Variants in CCDC90B observed in about 807,000 individuals in gnomAD.
CCDC90B encodes the protein coiled-coil domain containing 90B, also known as coiled-coil domain-containing protein 90B, mitochondrial.
CCDC90B carries 24 observed loss-of-function variants against 37.0 expected under a neutral mutation model. That is an observed-to-expected ratio of 0.65 (90% CI 0.47 to 0.91). The LOEUF is 0.91. Ranked by LOEUF, CCDC90B falls within the 40% of genes least tolerant of loss-of-function variation. The pLI is 0.00. For missense variants in CCDC90B, 319 were observed against 299.0 expected, an observed-to-expected ratio of 1.07 and a Z score of -0.49; for synonymous variants, 113 against 101.1, an observed-to-expected ratio of 1.12 and a Z score of -0.71.
chr11:83,268,135 A>G (rs1864407846), intron 7 of CCDC90B, among the ~76,000 whole-genome samples: 1 of 152,238 alleles, frequency 6.6e-6, no homozygotes, highest in Admixed American at 6.5e-5. Context: ...AACCAGTACC[A>G]ACCACTGCAA....
rs1865691539 is a variant in CCDC90B at position 83,286,298 on chromosome 11, C to T, written c.-326G>A. ...TGTTTCCTGGCAGTGGGGCATAGTCCAACAGCTGGCTCCCCCAAGATAGCC... is the reference window on the plus strand; with the variant it reads ...TGTTTCCTGGCAGTGGGGCATAGTCTAACAGCTGGCTCCCCCAAGATAGCC... On this transcript the variant is annotated 5_prime_UTR_variant, in exon 1 of 9. The change creates a premature stop within an existing upstream ORF in the 5' untranslated region. Transcript: ENST00000529689. 9.6e-7 allele frequency: 1 copy of T among 1,042,872 alleles called. No homozygotes were observed. Among genetic ancestry groups the T allele is most frequent in the Non-Finnish European group, 1.4e-6 (1 of 729,690 alleles). The allele number at this position is 1,042,872 out of a possible 1,614,324, so 64.6% of individuals were successfully genotyped here.
intron 7 of CCDC90B, chr11:83,267,554 A>G (rs1285069495): frequency 1.3e-5 from 2 of 149,222 alleles, no homozygotes; most frequent in African/African-American, 2.6e-5. Flanking sequence ...GCGAGAAGAC[A>G]AGGTTAGAGA....
chr11:83,274,384 A>G (rs1864893456), intron 4 of CCDC90B: 1 of 276,188 alleles, frequency 3.6e-6, no homozygotes, highest in Non-Finnish European at 6.6e-6. Flanking sequence ...TTTTATATAT[A>G]TAGCTCAAAG....
At chr11:83,265,793 G>T in intron 8 of CCDC90B, 72 bp downstream of exon 8, 6 of 923,132 alleles carry the variant, frequency 6.5e-6, no homozygotes, top group African/African-American at 4.9e-5. Flanking sequence ...TCCTGTGCCT[G>T]CTCAGTTACC....
At chr11:83,285,478 C>G in intron 1 of CCDC90B, 1 of 1,115,298 alleles carries the variant, frequency 9.0e-7, no homozygotes, top group Non-Finnish European at 1.1e-6. Context: ...GGGCTCGAGG[C>G]CAGCACCTAA....
chr11:83,264,603 C>G (rs1029761313), intron 8 of CCDC90B, among the ~76,000 whole-genome samples: 1 of 152,132 alleles, frequency 6.6e-6, no homozygotes, highest in African/African-American at 2.4e-5. Flanking sequence ...GTAACCCGAC[C>G]TTTTTCTCTG....
intron 7 of CCDC90B, 104 bp downstream of exon 7, chr11:83,273,543 A>G (rs1864820101): frequency 1.2e-6 from 1 of 838,070 alleles, no homozygotes; most frequent in East Asian, 2.7e-5. Flanking sequence ...GAGACTCTAC[A>G]AGGGTAGTTT....
At chr11:83,280,542 G>A (rs1425911608) in intron 1 of CCDC90B, among the ~76,000 whole-genome samples, 1 of 152,148 alleles carries the variant, frequency 6.6e-6, no homozygotes, top group Non-Finnish European at 1.5e-5. Context: ...CACATCAAAT[G>A]CTTTGGTTAT....
At chr11:83,277,304 A>T (rs1169648699) in intron 3 of CCDC90B, among the ~76,000 whole-genome samples, 1 of 152,152 alleles carries the variant, frequency 6.6e-6, no homozygotes, top group Admixed American at 6.5e-5. Flanking sequence ...GACAGCTCGG[A>T]GCTTAGGAGT....
intron 2 of CCDC90B, among the ~76,000 whole-genome samples, chr11:83,279,150 G>C (rs564997924): frequency 6.6e-6 from 1 of 151,950 alleles, no homozygotes; most frequent in African/African-American, 2.4e-5. Flanking sequence ...GCGTGGTGGC[G>C]GGCGCCCGTA....
Position 83,286,303 on chromosome 11 carries a change from G to A in CCDC90B, c.-331C>T. 1 of 1,023,650 alleles carries A rather than the reference G, an allele frequency of 9.8e-7. No homozygotes were observed. The highest frequency in any genetic ancestry group is 1.4e-6 in the Non-Finnish European group (1 of 713,856). The allele number at this position is 1,023,650 out of a possible 1,614,324, so 63.4% of individuals were successfully genotyped here. On this transcript the variant is annotated 5_prime_UTR_variant, in exon 1 of 9. Transcript: ENST00000529689. ...CCTGGCAGTGGGGCATAGTCCAACA[G>A]CTGGCTCCCCCAAGATAGCCAGCGG...
chr11:83,270,266 A>G (rs1328536700), intron 7 of CCDC90B, among the ~76,000 whole-genome samples: 2 of 152,224 alleles, frequency 1.3e-5, no homozygotes, highest in African/African-American at 2.4e-5. Flanking sequence ...GCCCTCTCTC[A>G]TCACTCCCAC....
rs760449609 is a variant in CCDC90B at position 83,261,900 on chromosome 11, G to A, written c.*11C>T. On this transcript the variant is annotated 3_prime_UTR_variant, in exon 9 of 9. Coordinates refer to ENST00000529689, the MANE Select transcript of CCDC90B (RefSeq NM_021825.5). ...AAGAAGCCAACAGCCACAGCAGGAT[G>A]AGCATTAATACTACTTCCAGAATCT... is the stretch of plus-strand genomic sequence containing the variant. 1.5e-5 allele frequency: 24 copies of A among 1,588,770 alleles called. No homozygotes were observed. Among genetic ancestry groups the A allele is most frequent in the South Asian group, 2.3e-5 (2 of 87,486 alleles).
At chr11:83,283,760 G>A (rs1340655677) in intron 1 of CCDC90B, among the ~76,000 whole-genome samples, 1 of 152,148 alleles carries the variant, frequency 6.6e-6, no homozygotes, top group East Asian at 1.9e-4. Flanking sequence ...CTAGGAGTTT[G>A]AGATCAGCCT....
rs187622553 is a variant in CCDC90B at position 83,277,640 on chromosome 11, G to A, written c.324+1086C>T. On this transcript the variant is annotated intron_variant, in intron 3 of 8. Transcript: ENST00000529689. The stretch of plus-strand genomic sequence containing the variant: ...TGGGATTACAGGTGCCCACCACCAT[G>A]CCCGGCTAATTTTTGTTTTTTTTTT... 2.8e-3 allele frequency among the ~76,000 whole-genome samples: 421 copies of A among 151,570 alleles called. 3 individuals carry two copies. The highest frequency in any genetic ancestry group is 9.5e-3 in the African/African-American group (395 of 41,364).
At chr11:83,277,851 T>C (rs1415279863) in intron 3 of CCDC90B, among the ~76,000 whole-genome samples, 2 of 152,150 alleles carry the variant, frequency 1.3e-5, no homozygotes, top group Non-Finnish European at 2.9e-5. Context: ...TGAAATTTTA[T>C]GCAAAATATT....
chr11:83,262,528 A>T (rs1051346577), intron 8 of CCDC90B, among the ~76,000 whole-genome samples: 4 of 151,316 alleles, frequency 2.6e-5, no homozygotes, highest in Middle Eastern at 3.2e-3. Flanking sequence ...CATTTTGGAT[A>T]AAAAAAAATT....
chr11:83,274,904 A>C, intron 3 of CCDC90B, 164 bp from the exon 4 acceptor site: 1 of 439,842 alleles, frequency 2.3e-6, no homozygotes, highest in Non-Finnish European at 4.0e-6. Context: ...TCAAAATGAA[A>C]AGAAAGAGAT....
chr11:83,274,207 TA>T (rs1248967463), intron 4 of CCDC90B: 10 of 390,016 alleles, frequency 2.6e-5, no homozygotes, highest in Non-Finnish European at 4.1e-5. Flanking sequence ...ATTATACTTT[TA>T]AAAACTGATT....
Sources: allele counts gnomAD v4.1 joint callset (sites outside exome capture counted in the v4.1 genomes callset), GRCh38; gene constraint gnomAD v4.1.1; transcripts MANE v1.5; gene names NCBI Gene and HGNC (gene_info 2026-07-23, HGNC 2026-07-21).